The following WWOX variants were observed in gnomAD, a reference collection of about 807,000 sequenced individuals.
WWOX encodes the protein WW domain containing oxidoreductase, also known as WW domain-containing oxidoreductase.
WWOX carries 69 observed loss-of-function variants against 46.2 expected under a neutral mutation model. The ratio of observed to expected loss-of-function variants is 1.49; its 90% CI spans 1.23 to 1.82. WWOX has a LOEUF of 1.82. Ranked by LOEUF, WWOX falls within the 40% of genes most tolerant of loss-of-function variation. The probability of loss-of-function intolerance (pLI) is 0.00; values close to 1 mark genes in which losing one functional copy is unlikely to be tolerated. For missense variants in WWOX, 919 were observed against 542.6 expected (o/e 1.69, Z -6.89); for synonymous variants, 359 against 202.6 (o/e 1.77, Z -6.56).
chr16:78,540,396 G>C (rs184460974), intron 8 of WWOX, among the ~76,000 whole-genome samples: 61 of 152,236 alleles, frequency 4.0e-4, no homozygotes, highest in East Asian at 9.6e-4. Flanking sequence ...CTTGCATGTT[G>C]CGTGTGGTAG....
At position 78,559,107 on chromosome 16, in the gene WWOX, G is replaced by C. The variant is rs565837120; in HGVS notation, c.1056+126355G>C. On this transcript the variant is annotated intron_variant, in intron 8 of 8. Transcript: ENST00000566780. Reference sequence around the variant, plus strand: ...CCTAGCTTGGGAGAGGGACAGTAGTGGGGAAGGGTGAGCTTGGAGATAGAG... The same window carrying C: ...CCTAGCTTGGGAGAGGGACAGTAGTCGGGAAGGGTGAGCTTGGAGATAGAG... 3.4e-3 allele frequency among the ~76,000 whole-genome samples: 525 copies of C among 152,284 alleles called. 9 individuals are homozygous for C. The highest frequency in any genetic ancestry group is 6.3e-4 in the Non-Finnish European group (43 of 68,044).
At position 78,386,720 on chromosome 16, in the gene WWOX, C is replaced by T. The variant is rs1032057139; in HGVS notation, c.517-140C>T. On this transcript the variant is annotated intron_variant, in intron 5 of 8. Coordinates refer to ENST00000566780, the MANE Select transcript of WWOX (RefSeq NM_016373.4). Reference sequence around the variant, plus strand: ...TAAAAGCCCTGTTCTTCCATTCATTCCGATGATTTATATTCTCTCTGGGCG... The same window carrying T: ...TAAAAGCCCTGTTCTTCCATTCATTTCGATGATTTATATTCTCTCTGGGCG... 9.5e-5 allele frequency: 56 copies of T among 586,798 alleles called. No homozygotes were observed. In the East Asian group the frequency reaches 2.8e-3, roughly 29 times the overall value. The allele number at this position is 586,798 out of a possible 1,614,324, so 36.3% of individuals were successfully genotyped here.
rs376136572 is a variant in WWOX, at chr16:78,866,389, G to C, written c.1057-345219G>C. On this transcript the variant is annotated intron_variant, in intron 8 of 8. Coordinates refer to ENST00000566780, the MANE Select transcript of WWOX (RefSeq NM_016373.4). ...ATTGTGACTCCCTCATTAAAGGAGA[G>C]CTGTAGCAAGGGAAGAAATCATTGA... Among the ~76,000 whole-genome samples, 26 of 152,086 alleles carry C rather than the reference G, an allele frequency of 1.7e-4. 1 individual carries two copies. In the East Asian group the frequency reaches 4.4e-3, roughly 26 times the overall value.
intron 8 of WWOX, chr16:78,899,618 C>G (rs1371784744): frequency 6.6e-6 from 1 of 152,084 alleles, no homozygotes; most frequent in African/African-American, 2.4e-5. Flanking sequence ...CCGCCATTGT[C>G]AATTTTAAAT....
At chr16:78,658,567 C>T (rs1235029663) in intron 8 of WWOX, among the ~76,000 whole-genome samples, 2 of 152,170 alleles carry the variant, frequency 1.3e-5, no homozygotes, top group African/African-American at 2.4e-5. Flanking sequence ...AAGCCTGCTC[C>T]GTGCCTCTCC....
chr16:78,814,466 TCTTG>T (rs2051279708), intron 8 of WWOX, among the ~76,000 whole-genome samples: 3 of 151,344 alleles, frequency 2.0e-5, no homozygotes. Flanking sequence ...AAGAAGCCTC[TCTTG>T]AAAAAAAAAA....
At chr16:79,007,110 C>T (rs528395255) in intron 8 of WWOX, among the ~76,000 whole-genome samples, 2 of 152,232 alleles carry the variant, frequency 1.3e-5, no homozygotes, top group African/African-American at 4.8e-5. Context: ...AGAGAGGTCA[C>T]AATAGCAAAT....
intron 8 of WWOX, among the ~76,000 whole-genome samples, chr16:78,863,637 A>G (rs1431806388): frequency 6.6e-6 from 1 of 152,136 alleles, no homozygotes; most frequent in Non-Finnish European, 1.5e-5. Flanking sequence ...GAAGTCTCTT[A>G]TTTACTCAGT....
At chr16:78,209,434 G>C (rs2036490352) in intron 5 of WWOX, among the ~76,000 whole-genome samples, 1 of 152,200 alleles carries the variant, frequency 6.6e-6, no homozygotes, top group Non-Finnish European at 1.5e-5. Flanking sequence ...GGCATTAACT[G>C]TTGTCAAGTC....
At position 78,750,271 on chromosome 16, in the gene WWOX, G is replaced by C. The variant is rs151328435; in HGVS notation, c.1056+317519G>C. ...CACTGAACTCCTATTCAGAGGCTCAGTTTCTCTGCAGGACAGAAATGAGAG... is the reference window on the plus strand; with the variant it reads ...CACTGAACTCCTATTCAGAGGCTCACTTTCTCTGCAGGACAGAAATGAGAG... On this transcript the variant is annotated intron_variant, in intron 8 of 8. Coordinates refer to ENST00000566780, the MANE Select transcript of WWOX (RefSeq NM_016373.4). Among the ~76,000 whole-genome samples, 5 of 152,262 alleles carry C rather than the reference G, an allele frequency of 3.3e-5. No individual in the cohort carries two copies. The East Asian group carries it at 9.7e-4, about 30-fold the overall frequency.
chr16:78,766,614 T>C (rs1395885094), intron 8 of WWOX, among the ~76,000 whole-genome samples: 1 of 152,126 alleles, frequency 6.6e-6, no homozygotes, highest in Admixed American at 6.5e-5. Flanking sequence ...AAAAACATGC[T>C]CAGAGGCCTT....
intron 5 of WWOX, among the ~76,000 whole-genome samples, chr16:78,332,634 G>A (rs988347370): frequency 6.6e-6 from 1 of 152,160 alleles, no homozygotes; most frequent in Non-Finnish European, 1.5e-5. Flanking sequence ...TTAATGATCT[G>A]ATGATTTTCC....
intron 5 of WWOX, among the ~76,000 whole-genome samples, chr16:78,210,191 A>G (rs1340698753): frequency 1.3e-5 from 2 of 152,244 alleles, no homozygotes; most frequent in Admixed American, 1.3e-4. Flanking sequence ...TATTCAAAGT[A>G]CATCTATTCT....
rs141237412 is a variant in WWOX, at chr16:78,247,209, G to T, written c.516+82920G>T. The stretch of plus-strand genomic sequence containing the variant: ...TGCCAAGAGGGGGTGTGATGGGTGT[G>T]GCCGCCCCCCTGCCAGCAGGAGGAA... On this transcript the variant is annotated intron_variant, in intron 5 of 8. Transcript: ENST00000566780. 3.3e-5 allele frequency among the ~76,000 whole-genome samples: 5 copies of T among 152,124 alleles called. No homozygotes were observed. In the East Asian group the frequency reaches 9.7e-4, roughly 29 times the overall value.
intron 6 of WWOX, among the ~76,000 whole-genome samples, chr16:78,395,601 C>G (rs1217702647): frequency 6.6e-6 from 1 of 152,006 alleles, no homozygotes; most frequent in Non-Finnish European, 1.5e-5. Context: ...TTTACAATGC[C>G]TGACAACCAA....
intron 8 of WWOX, among the ~76,000 whole-genome samples, chr16:78,928,583 C>T (rs1453859569): frequency 2.6e-5 from 4 of 151,792 alleles, no homozygotes; most frequent in Admixed American, 6.6e-5. Context: ...GCTTTGGGGG[C>T]CTGTTAAAAT....
At chr16:78,807,871 G>A (rs8054614) in intron 8 of WWOX, among the ~76,000 whole-genome samples, 1,933 of 152,308 alleles carry the variant, frequency 0.013, 37 homozygotes, top group African/African-American at 0.044. Context: ...TCATTAACTA[G>A]CCTCATTTCA....
chr16:78,784,371 C>G (rs927204298), intron 8 of WWOX, among the ~76,000 whole-genome samples: 22 of 151,986 alleles, frequency 1.4e-4, no homozygotes, highest in African/African-American at 5.3e-4. Context: ...TATCTGAAGA[C>G]TAAAGAATCA....
chr16:79,135,138 TC>T lies in WWOX; in HGVS notation c.1057-76469del, dbSNP rs370342002. 3.7e-4 allele frequency among the ~76,000 whole-genome samples: 57 copies of T among 152,360 alleles called. No individual in the cohort carries two copies. The East Asian group carries it at 7.3e-3, about 20-fold the overall frequency. On this transcript the variant is annotated intron_variant, in intron 8 of 8. Coordinates refer to ENST00000566780, the MANE Select transcript of WWOX (RefSeq NM_016373.4). ...TTTTTCTTCTTCTCAGGAAATGTTT[TC>T]TTCTTATACCTCCAAAATAACCACT...
Sources: allele counts gnomAD v4.1 joint callset (sites outside exome capture counted in the v4.1 genomes callset), GRCh38; gene constraint gnomAD v4.1.1; transcripts MANE v1.5; gene names NCBI Gene and HGNC (gene_info 2026-07-23, HGNC 2026-07-21).